The following DLGAP2 variants were observed in gnomAD, a reference collection of about 807,000 sequenced individuals.
DLGAP2 encodes the protein disks large-associated protein 2.
A neutral mutation model predicts 100.3 loss-of-function variants in DLGAP2; 26 were observed. The observed-to-expected ratio is 0.26, with a 90% CI of 0.19 to 0.36. The LOEUF is 0.36. Ranked by LOEUF, DLGAP2 falls within the 10% of genes least tolerant of loss-of-function variation. The pLI, the probability that DLGAP2 is intolerant of heterozygous loss-of-function variation, is 1.00. For missense variants in DLGAP2, 1,858 were observed against 1,453.2 expected (o/e 1.28, Z -4.53); for synonymous variants, 886 against 630.1 (o/e 1.41, Z -6.08).
chr8:1,311,187 G>T (rs1270331003), intron 3 of DLGAP2, among the ~76,000 whole-genome samples: 1 of 152,028 alleles, frequency 6.6e-6, no homozygotes, highest in Non-Finnish European at 1.5e-5. Flanking sequence ...GGATGACATG[G>T]ACAAATTTAT....
At chr8:1,060,834 AGC>A (rs937485021) in intron 2 of DLGAP2, among the ~76,000 whole-genome samples, 8 of 152,340 alleles carry the variant, frequency 5.3e-5, no homozygotes, top group Admixed American at 5.2e-4. Flanking sequence ...AGGAGGCCAC[AGC>A]CAGGGCAGCC....
intron 2 of DLGAP2, among the ~76,000 whole-genome samples, chr8:1,251,098 C>T (rs79827590): frequency 0.013 from 2,028 of 152,290 alleles, 48 homozygotes; most frequent in East Asian, 0.054. Context: ...TTCACGAGAA[C>T]GTTACTTTGT....
chr8:1,416,164 T>G (rs929931019), intron 3 of DLGAP2, among the ~76,000 whole-genome samples: 46 of 152,194 alleles, frequency 3.0e-4, no homozygotes, highest in African/African-American at 1.0e-3. Context: ...AGTTTGGACG[T>G]GAAACCCATC....
At chr8:1,527,970 G>C (rs1182340697) in intron 4 of DLGAP2, among the ~76,000 whole-genome samples, 1 of 151,558 alleles carries the variant, frequency 6.6e-6, no homozygotes, top group African/African-American at 2.4e-5. Flanking sequence ...CAATTTTCAT[G>C]GACATTTTTT....
intron 3 of DLGAP2, among the ~76,000 whole-genome samples, chr8:1,482,649 GT>G (rs1204081929): frequency 6.6e-6 from 1 of 152,202 alleles, no homozygotes; most frequent in African/African-American, 2.4e-5. Context: ...CCTCCCCACG[GT>G]TTCCGGGAGT....
chr8:1,303,169 G>T (rs975596282), intron 3 of DLGAP2, among the ~76,000 whole-genome samples: 1 of 152,118 alleles, frequency 6.6e-6, no homozygotes, highest in Non-Finnish European at 1.5e-5. Context: ...AGGCCGAGGC[G>T]GGTGGATCAC....
At chr8:864,025 A>G (rs550519883) in intron 1 of DLGAP2, among the ~76,000 whole-genome samples, 3 of 152,340 alleles carry the variant, frequency 2.0e-5, no homozygotes, top group Non-Finnish European at 2.9e-5. Context: ...CATCAAAAGG[A>G]TGAAATCCTG....
Position 1,257,950 on chromosome 8 carries a change from G to A in DLGAP2, c.74-901G>A, listed in dbSNP as rs898412006. On this transcript the variant is annotated intron_variant, in intron 2 of 14. Transcript: ENST00000637795. Reference sequence around the variant, plus strand: ...GCTGGCTTTGAACCCAGGCCTACCCGGCCCCCAAGTCTGAATTCTTTCCCA... The same window carrying A: ...GCTGGCTTTGAACCCAGGCCTACCCAGCCCCCAAGTCTGAATTCTTTCCCA... 7.2e-5 allele frequency among the ~76,000 whole-genome samples: 11 copies of A among 152,204 alleles called. No individual in the cohort carries two copies. In the South Asian group the frequency reaches 1.0e-3, roughly 14 times the overall value.
At chr8:1,171,868 A>C (rs1377650679) in intron 2 of DLGAP2, among the ~76,000 whole-genome samples, 1 of 152,168 alleles carries the variant, frequency 6.6e-6, no homozygotes, top group Non-Finnish European at 1.5e-5. Flanking sequence ...TAATTGGAGC[A>C]TTTAGTCCAT....
chr8:1,354,159 T>C (rs940006476), intron 3 of DLGAP2, among the ~76,000 whole-genome samples: 3 of 152,194 alleles, frequency 2.0e-5, no homozygotes, highest in African/African-American at 7.2e-5. Flanking sequence ...TCTCTCAGCA[T>C]GAACCGTTAA....
intron 3 of DLGAP2, among the ~76,000 whole-genome samples, chr8:1,455,504 G>A (rs903965695): frequency 2.6e-5 from 4 of 152,200 alleles, no homozygotes; most frequent in African/African-American, 9.6e-5. Flanking sequence ...TGTCCTTCAC[G>A]CCTGAGCAGG....
intron 6 of DLGAP2, among the ~76,000 whole-genome samples, chr8:1,616,736 C>T (rs913057860): frequency 1.3e-5 from 2 of 152,138 alleles, no homozygotes; most frequent in Non-Finnish European, 2.9e-5. Context: ...CATGTGGCTA[C>T]TTTTTTATCT....
intron 2 of DLGAP2, among the ~76,000 whole-genome samples, chr8:1,174,322 C>T (rs764119453): frequency 2.0e-5 from 3 of 151,966 alleles, no homozygotes; most frequent in Non-Finnish European, 2.9e-5. Flanking sequence ...TTACCAAAAT[C>T]ATTATCATCA....
chr8:1,083,252 G>A (rs1411870774), intron 2 of DLGAP2, among the ~76,000 whole-genome samples: 5 of 152,198 alleles, frequency 3.3e-5, no homozygotes, highest in African/African-American at 9.6e-5. Context: ...GCAGGGCATC[G>A]TCTCACAGCC....
At chr8:1,692,689 A>G (rs1206737672) in intron 13 of DLGAP2, among the ~76,000 whole-genome samples, 5 of 152,258 alleles carry the variant, frequency 3.3e-5, no homozygotes, top group Middle Eastern at 3.4e-3. Context: ...AACAACTACA[A>G]TGAAGAGATT....
chr8:1,476,517 G>C (rs1798934793), intron 3 of DLGAP2, among the ~76,000 whole-genome samples: 2 of 152,136 alleles, frequency 1.3e-5, no homozygotes, highest in Non-Finnish European at 2.9e-5. Flanking sequence ...GCTGACACCA[G>C]CTTGGGTATT....
chr8:839,765 A>T (rs1420588741), intron 1 of DLGAP2, among the ~76,000 whole-genome samples: 2 of 152,154 alleles, frequency 1.3e-5, no homozygotes, highest in African/African-American at 2.4e-5. Flanking sequence ...TCACCGTTTC[A>T]TCACCCACAT....
chr8:1,470,917 G>T (rs1309438573), intron 3 of DLGAP2, among the ~76,000 whole-genome samples: 1 of 6,544 alleles, frequency 1.5e-4, no homozygotes, highest in African/African-American at 3.7e-4. Flanking sequence ...GACCCCTCCA[G>T]CCTTTCCCGA....
chr8:973,930 G>C (rs1233430324), intron 2 of DLGAP2, among the ~76,000 whole-genome samples: 2 of 151,342 alleles, frequency 1.3e-5, no homozygotes, highest in Admixed American at 1.3e-4. Context: ...CCCGGCTGGA[G>C]AGCGCTGGGC....
Sources: allele counts gnomAD v4.1 joint callset (sites outside exome capture counted in the v4.1 genomes callset), GRCh38; gene constraint gnomAD v4.1.1; transcripts MANE v1.5; gene names NCBI Gene and HGNC (gene_info 2026-07-23, HGNC 2026-07-21).